Variants in AGO2 observed in about 807,000 individuals in gnomAD.
AGO2 encodes protein argonaute-2.
In AGO2, 5 loss-of-function variants were observed where a neutral mutation model predicts 102.3. The observed-to-expected ratio is 0.05, with a 90% CI of 0.03 to 0.10. The LOEUF is 0.10. Among genes scored for constraint, AGO2 ranks in the 10% least tolerant of loss-of-function variants. AGO2 has a pLI of 1.00. For missense variants in AGO2, 541 were observed against 1,183.7 expected (o/e 0.46, Z 7.97); for synonymous variants, 449 against 473.1 (o/e 0.95, Z 0.66).
Position 140,556,247 on chromosome 8 carries a change from AT to A in AGO2, c.1065del (p.Lys355AsnfsTer2). The A allele has an allele frequency of 6.2e-7, 1 of 1,614,170 alleles. No homozygotes were observed. The highest frequency in any genetic ancestry group is 8.5e-7 in the Non-Finnish European group (1 of 1,180,030). On this transcript the variant is annotated frameshift_variant, in exon 9 of 19. Coordinates refer to ENST00000220592, the MANE Select transcript of AGO2 (RefSeq NM_012154.5). LOFTEE classifies it high-confidence loss of function. ...NIVAGQRCIK[K>X]LTDNQTSTMI... ...ATGGTTGAGGTCTGATTGTCCGTTA[AT>A]TTTTTAATACATCTTTGTCCTGCCA...
Position 140,557,113 on chromosome 8 carries a change from C to T in AGO2, c.1002G>A (p.Gln334=). ...CCTCCAGGGGAAGGTAGGTGTGTTT[C>T]TGCTCCTGTCCGACTTGTAAACATG... ...HLPCLQVGQE[Q]KHTYLPLEVC... The change falls in exon 8 of 19, where the codon CAG becomes CAA. Residue 334 remains glutamine, a synonymous_variant. Coordinates refer to ENST00000220592, the MANE Select transcript of AGO2 (RefSeq NM_012154.5). The surrounding 1 kb of genome is among the most constrained non-coding windows in gnomAD (Gnocchi z 5.9). 2 of 1,613,884 alleles carry T rather than the reference C, an allele frequency of 1.2e-6. No homozygotes were observed. The highest frequency in any genetic ancestry group is 1.1e-5 in the South Asian group (1 of 91,056).
intron 1 of AGO2, among the ~76,000 whole-genome samples, chr8:140,590,122 A>T (rs1048670133): frequency 1.1e-4 from 17 of 152,178 alleles, no homozygotes; most frequent in African/African-American, 3.9e-4. Flanking sequence ...GGTGAGCCGA[A>T]GTCAAAGCCT....
intron 1 of AGO2, among the ~76,000 whole-genome samples, chr8:140,598,470 G>T (rs572471895): frequency 6.6e-6 from 1 of 152,188 alleles, no homozygotes; most frequent in Non-Finnish European, 1.5e-5. Context: ...TCCAACCTGT[G>T]CCAGGCCTGA....
At position 140,555,897 on chromosome 8, in the gene AGO2, C is replaced by T; in HGVS notation, c.1268G>A (p.Arg423Lys). Residue 423 changes from arginine to lysine, a missense_variant and splice_region_variant, in exon 10 of 19, where the codon AGG (arginine) becomes AAG (lysine). Around this residue, in one of 6 missense-constraint regions of AGO2, gnomAD observed 309 missense variants for 735.1 expected, o/e 0.42. Coordinates refer to ENST00000220592, the MANE Select transcript of AGO2 (RefSeq NM_012154.5). ...CGTTCCCCGCCGCCCCACACGTACCCTGCCCCCGTAGAGGATGGAGGGCGG... is the reference window on the plus strand; with the variant it reads ...CGTTCCCCGCCGCCCCACACGTACCTTGCCCCCGTAGAGGATGGAGGGCGG... ...LQPPSILYGG[R>K]NKAIATPVQG... 6.2e-7 allele frequency: 1 copy of T among 1,613,508 alleles called. No homozygotes were observed. Among genetic ancestry groups the T allele is most frequent in the Non-Finnish European group, 8.5e-7 (1 of 1,179,884 alleles).
Position 140,520,903 on chromosome 8 carries a change from G to A in AGO2, c.*11141C>T, listed in dbSNP as rs989088175. 1 of 152,142 alleles carries A rather than the reference G, an allele frequency of 6.6e-6. No individual in the cohort carries two copies. The highest frequency in any genetic ancestry group is 1.5e-5 in the Non-Finnish European group (1 of 68,020). 9.4% of individuals were successfully genotyped at this position (152,142 alleles called of 1,614,324 possible). A position where few individuals can be genotyped will look rare whatever the true frequency, so the allele number is the denominator to read the frequency against. On this transcript the variant is annotated 3_prime_UTR_variant, in exon 19 of 19. Coordinates refer to ENST00000220592, the MANE Select transcript of AGO2 (RefSeq NM_012154.5). ...CTAATATAGGGCAACCTTCGAGCCA[G>A]ATATTGCAGCAATTTTTTTAAATTT...
chr8:140,601,093 G>A (rs1253591982), intron 1 of AGO2, among the ~76,000 whole-genome samples: 4 of 152,190 alleles, frequency 2.6e-5, no homozygotes, highest in African/African-American at 9.7e-5. Flanking sequence ...CAGGAAGGGC[G>A]ACTGGGTCAT....
chr8:140,595,976 AT>A (rs1171644038), intron 1 of AGO2, among the ~76,000 whole-genome samples: 36 of 115,970 alleles, frequency 3.1e-4, no homozygotes, highest in African/African-American at 1.1e-3. Flanking sequence ...AATTATATAT[AT>A]TATATAATAT....
intron 1 of AGO2, among the ~76,000 whole-genome samples, chr8:140,599,127 CG>C (rs1181680921): frequency 1.3e-4 from 20 of 152,190 alleles, no homozygotes; most frequent in African/African-American, 4.6e-4. Flanking sequence ...TGTTAAAATC[CG>C]GCAGGATGCA....
At chr8:140,639,406 G>T (rs1441258004), upstream of AGO2, among the ~76,000 whole-genome samples, 1 of 151,736 alleles carries the variant, frequency 6.6e-6, no homozygotes, top group East Asian at 1.9e-4. Flanking sequence ...ACTTGAACCT[G>T]GGAGGCGGAG....
upstream of AGO2, among the ~76,000 whole-genome samples, chr8:140,635,790 G>A (rs1195492312): frequency 1.3e-4 from 18 of 140,630 alleles, no homozygotes; most frequent in Non-Finnish European, 1.6e-5. Flanking sequence ...GGCGGGGTCC[G>A]CGGCGGCGGC....
the AGO2 span, among the ~76,000 whole-genome samples, chr8:140,641,999 G>A: frequency 1.3e-5 from 2 of 151,768 alleles, no homozygotes; most frequent in African/African-American, 2.4e-5. Context: ...CTGTGATCAC[G>A]CCACTGTACG....
At chr8:140,630,027 AC>A (rs2074323287) in intron 1 of AGO2, among the ~76,000 whole-genome samples, 1 of 151,842 alleles carries the variant, frequency 6.6e-6, no homozygotes, top group African/African-American at 2.4e-5. Context: ...CACCTCCCAC[AC>A]CCTGCTTCTC....
intron 14 of AGO2, 48 bp from the exon 15 acceptor site, chr8:140,541,406 T>C: frequency 3.3e-6 from 5 of 1,504,620 alleles, no homozygotes; most frequent in Non-Finnish European, 4.4e-6. Flanking sequence ...AAAACTTTCC[T>C]TTCCTGGGCA....
chr8:140,550,659 C>G (rs1490480812), intron 11 of AGO2, among the ~76,000 whole-genome samples: 1 of 152,186 alleles, frequency 6.6e-6, no homozygotes, highest in East Asian at 1.9e-4. Flanking sequence ...CTTTTTCACC[C>G]AGGGTGGAGT....
At chr8:140,585,483 A>T (rs1470760643) in intron 1 of AGO2, among the ~76,000 whole-genome samples, 172 bp from the exon 2 acceptor site, 2 of 152,226 alleles carry the variant, frequency 1.3e-5, no homozygotes, top group Admixed American at 1.3e-4. Flanking sequence ...TAATGTACTT[A>T]AAATGTATCA....
chr8:140,588,578 G>C (rs915472596), intron 1 of AGO2, among the ~76,000 whole-genome samples: 1 of 78,542 alleles, frequency 1.3e-5, no homozygotes, highest in Non-Finnish European at 2.6e-5. Context: ...GAGGGAGGGA[G>C]TAAAGAAGGG....
In AGO2 at chr8:140,568,271, G is replaced by A. The variant is rs78835973; in HGVS notation, c.336+4541C>T. On this transcript the variant is annotated intron_variant, in intron 3 of 18. Transcript: ENST00000220592. ...TGCACTCTAGCCTGGGTGACAGAGC[G>A]AGACCATGTCTGGGGGAAAAAAAAA... Among the ~76,000 whole-genome samples, 577 of 138,262 alleles carry A rather than the reference G, an allele frequency of 4.2e-3. 4 individuals carry two copies. Among genetic ancestry groups the A allele is most frequent in the East Asian group, 0.018 (82 of 4,446 alleles). 90.7% of individuals were successfully genotyped at this position (138,262 alleles called of 152,430 possible).
chr8:140,534,870 G>A (rs1215205221), intron 17 of AGO2, among the ~76,000 whole-genome samples: 3 of 152,214 alleles, frequency 2.0e-5, no homozygotes, highest in Non-Finnish European at 2.9e-5. Context: ...CCACGGACGT[G>A]GTGCTCCTGC....
intron 2 of AGO2, among the ~76,000 whole-genome samples, chr8:140,577,193 G>C (rs2073479059): frequency 8.5e-6 from 1 of 117,668 alleles, no homozygotes; most frequent in Non-Finnish European, 1.6e-5. Context: ...GGGCGACAGA[G>C]CAAGACTCCA....
Sources: allele counts gnomAD v4.1 joint callset (sites outside exome capture counted in the v4.1 genomes callset), GRCh38; gene constraint gnomAD v4.1.1; regional missense constraint gnomAD v4.1.1; non-coding constraint Gnocchi (gnomAD v3.1); transcripts MANE v1.5; gene names NCBI Gene and HGNC (gene_info 2026-07-23, HGNC 2026-07-21).